The following KIAA0825 variants were observed in gnomAD, a reference collection of about 807,000 sequenced individuals.
KIAA0825 encodes the protein uncharacterized protein KIAA0825.
KIAA0825 carries 119 observed loss-of-function variants against 147.6 expected under a neutral mutation model. The ratio of observed to expected loss-of-function variants is 0.81; its 90% CI spans 0.69 to 0.94. The LOEUF (loss-of-function observed/expected upper bound fraction) is 0.94, where lower values mean the gene tolerates loss of function less well. Among genes scored for constraint, KIAA0825 ranks in the 40% least tolerant of loss-of-function variants. The pLI is 0.00. For synonymous variants in KIAA0825, 470 were observed against 518.1 expected, an observed-to-expected ratio of 0.91 and a Z score of 1.26; for missense variants, 1,381 against 1,472.7, an observed-to-expected ratio of 0.94 and a Z score of 1.02.
chr5:94,224,281 A>C (rs983309702), intron 20 of KIAA0825, among the ~76,000 whole-genome samples: 2 of 151,066 alleles, frequency 1.3e-5, no homozygotes, highest in Non-Finnish European at 3.0e-5. Context: ...ATTTTTAATA[A>C]AGACTGGTTT....
intron 20 of KIAA0825, among the ~76,000 whole-genome samples, chr5:94,355,025 G>A (rs1784096204): frequency 6.6e-6 from 1 of 152,170 alleles, no homozygotes. Context: ...ATTCGAAGGG[G>A]GGCATGGAGG....
At chr5:94,244,617 A>C (rs1775511778) in intron 20 of KIAA0825, among the ~76,000 whole-genome samples, 1 of 152,112 alleles carries the variant, frequency 6.6e-6, no homozygotes, top group Non-Finnish European at 1.5e-5. Context: ...GATTACATGA[A>C]TCTTGGTTTT....
At chr5:94,404,555 C>A (rs1751802327) in intron 15 of KIAA0825, among the ~76,000 whole-genome samples, 1 of 151,842 alleles carries the variant, frequency 6.6e-6, no homozygotes, top group South Asian at 2.1e-4. Context: ...GAGCCGGTTC[C>A]TAGATTGCCA....
chr5:94,590,054 A>G (rs6879347), intron 1 of KIAA0825, among the ~76,000 whole-genome samples: 21,425 of 151,978 alleles, frequency 0.14, 1,738 homozygotes, highest in East Asian at 0.32. Context: ...GAGTGGCGCA[A>G]TCTTGGCTCA....
intron 20 of KIAA0825, among the ~76,000 whole-genome samples, chr5:94,319,653 A>G (rs117034888): frequency 6.6e-6 from 1 of 151,894 alleles, no homozygotes; most frequent in East Asian, 2.0e-4. Flanking sequence ...TTTGAGTTCT[A>G]TTTTTCATAT....
chr5:94,204,908 C>T (rs1378921944), intron 20 of KIAA0825, among the ~76,000 whole-genome samples: 1 of 152,038 alleles, frequency 6.6e-6, no homozygotes, highest in African/African-American at 2.4e-5. Context: ...GGGACAATTT[C>T]ATAGATGCTG....
At chr5:94,476,765 G>A (rs923632326) in intron 7 of KIAA0825, among the ~76,000 whole-genome samples, 1 of 152,156 alleles carries the variant, frequency 6.6e-6, no homozygotes, top group Non-Finnish European at 1.5e-5. Flanking sequence ...TATGAGGCCA[G>A]TTGAGATGAT....
At chr5:94,241,634 T>A (rs551596499) in intron 20 of KIAA0825, among the ~76,000 whole-genome samples, 6 of 152,318 alleles carry the variant, frequency 3.9e-5, no homozygotes, top group African/African-American at 1.2e-4. Flanking sequence ...GTGTAAAGAA[T>A]TTTAAGCATT....
intron 20 of KIAA0825, among the ~76,000 whole-genome samples, chr5:94,207,083 A>C (rs1448353929): frequency 6.6e-6 from 1 of 152,148 alleles, no homozygotes; most frequent in Non-Finnish European, 1.5e-5. Flanking sequence ...TTGAGCCAGC[A>C]ATGTTCTTTT....
At chr5:94,377,457 C>T (rs893785319) in intron 20 of KIAA0825, among the ~76,000 whole-genome samples, 1 of 152,182 alleles carries the variant, frequency 6.6e-6, no homozygotes, top group Non-Finnish European at 1.5e-5. Flanking sequence ...TCTGGAGTTT[C>T]GCCATGAATG....
chr5:94,610,787 GTATATATA>G (rs374319650), intron 1 of KIAA0825, among the ~76,000 whole-genome samples: 1,218 of 95,088 alleles, frequency 0.013, 21 homozygotes, highest in African/African-American at 0.048. Flanking sequence ...AAAAAAAAAA[GTATATATA>G]TATATATATA....
At chr5:94,392,516 A>C (rs1440043703) in intron 17 of KIAA0825, among the ~76,000 whole-genome samples, 1 of 152,240 alleles carries the variant, frequency 6.6e-6, no homozygotes, top group Non-Finnish European at 1.5e-5. Context: ...TATGATATTC[A>C]ATGTACACAT....
chr5:94,414,763 C>T (rs1186734467), intron 15 of KIAA0825: 2 of 152,232 alleles, frequency 1.3e-5, no homozygotes, highest in South Asian at 2.1e-4. Context: ...GGAACTGGGC[C>T]GCACAGCAGG....
In KIAA0825 at chr5:94,602,549, A is replaced by G. The variant is rs578196767; in HGVS notation, c.-153+15951T>C. Among the ~76,000 whole-genome samples, 788 of 152,218 alleles carry G rather than the reference A, an allele frequency of 5.2e-3. 28 individuals are homozygous for G. Among genetic ancestry groups the G allele is most frequent in the Admixed American group, 0.047 (721 of 15,284 alleles). ...AGAGGAACCCTCTGGGAAGTAATTG[A>G]ATCAAGGGAGTGCTTACCCTCATGC... On this transcript the variant is annotated intron_variant, in intron 1 of 20. Coordinates refer to ENST00000682413, the MANE Select transcript of KIAA0825 (RefSeq NM_001145678.3).
At chr5:94,488,045 T>C (rs1763267766) in intron 5 of KIAA0825, among the ~76,000 whole-genome samples, 1 of 152,178 alleles carries the variant, frequency 6.6e-6, no homozygotes, top group Non-Finnish European at 1.5e-5. Flanking sequence ...TGCCTCAGCC[T>C]CCTGAGTAGC....
chr5:94,213,199 T>C (rs1772888172), intron 20 of KIAA0825, among the ~76,000 whole-genome samples: 1 of 152,144 alleles, frequency 6.6e-6, no homozygotes, highest in African/African-American at 2.4e-5. Context: ...TCCATCTCAA[T>C]GAATGACAGC....
chr5:94,528,932 G>A lies in KIAA0825; in HGVS notation c.132-4834C>T, dbSNP rs966485379. Among the ~76,000 whole-genome samples the A allele has an allele frequency of 2.0e-5, 3 of 151,820 alleles. No individual in the cohort carries two copies. In the South Asian group the frequency reaches 6.2e-4, roughly 31 times the overall value. On this transcript the variant is annotated intron_variant, in intron 3 of 20. Coordinates refer to ENST00000682413, the MANE Select transcript of KIAA0825 (RefSeq NM_001145678.3). Reference sequence around the variant, plus strand: ...GGATCTACACCAGCATTTGCCCTGTGCCAACTCCTTTGATTCTCTTTTTGG... The same window carrying A: ...GGATCTACACCAGCATTTGCCCTGTACCAACTCCTTTGATTCTCTTTTTGG...
At chr5:94,568,668 T>TA (rs1561328883) in intron 2 of KIAA0825, 1 of 152,298 alleles carries the variant, frequency 6.6e-6, no homozygotes, top group African/African-American at 2.4e-5. Flanking sequence ...AAACTCAAAA[T>TA]AAAAAACCCA....
chr5:94,313,070 C>T lies in KIAA0825; in HGVS notation c.3710+71298G>A, dbSNP rs562637928. Among the ~76,000 whole-genome samples the T allele has an allele frequency of 5.9e-5, 9 of 151,446 alleles. No homozygotes were observed. The South Asian group carries it at 1.0e-3, about 17-fold the overall frequency. On this transcript the variant is annotated intron_variant, in intron 20 of 20. Transcript: ENST00000682413. ...TGGTATCAGATTCTATGTTTATTTT[C>T]GAAGTTATATAATAAATATAAATTT...
Sources: allele counts gnomAD v4.1 joint callset (sites outside exome capture counted in the v4.1 genomes callset), GRCh38; gene constraint gnomAD v4.1.1; transcripts MANE v1.5; gene names NCBI Gene and HGNC (gene_info 2026-07-23, HGNC 2026-07-21).